The following DACH1 variants were observed in gnomAD, a reference collection of about 807,000 sequenced individuals.
DACH1 encodes the protein dachshund family transcription factor 1.
Under a neutral mutation model 54.2 loss-of-function variants are expected in DACH1, and 12 were observed. The observed-to-expected ratio is 0.22, with a 90% confidence interval of 0.14 to 0.36. The LOEUF is 0.36. DACH1 is among the 10% of genes least tolerant of loss of function. The probability of loss-of-function intolerance (pLI) is 1.00; values close to 1 mark genes in which losing one functional copy is unlikely to be tolerated. For missense variants in DACH1, 805 were observed against 929.8 expected (o/e 0.87, Z 1.75); for synonymous variants, 386 against 366.2 (o/e 1.05, Z -0.62).
intron 2 of DACH1, among the ~76,000 whole-genome samples, chr13:71,679,227 C>A (rs369641339): frequency 9.2e-5 from 14 of 152,292 alleles, no homozygotes; most frequent in African/African-American, 3.4e-4. Flanking sequence ...CCGGCAAGTG[C>A]ATAATACATT....
intron 7 of DACH1, among the ~76,000 whole-genome samples, chr13:71,486,943 C>T (rs549284034): frequency 2.7e-4 from 41 of 152,138 alleles, no homozygotes; most frequent in African/African-American, 9.4e-4. Context: ...CTCCCAGGTT[C>T]CAGCAATTCT....
chr13:71,764,627 G>T (rs969414198), intron 1 of DACH1, among the ~76,000 whole-genome samples: 1 of 152,038 alleles, frequency 6.6e-6, no homozygotes, highest in Non-Finnish European at 1.5e-5. Context: ...TATAAGTCTC[G>T]TAAGTTTTCA....
At chr13:71,626,337 A>G (rs1369084340) in intron 3 of DACH1, among the ~76,000 whole-genome samples, 1 of 151,972 alleles carries the variant, frequency 6.6e-6, no homozygotes, top group Non-Finnish European at 1.5e-5. Flanking sequence ...ATTGTGATTA[A>G]TTTAGTATTC....
At chr13:71,843,738 T>C (rs1026174530) in intron 1 of DACH1, among the ~76,000 whole-genome samples, 3 of 152,118 alleles carry the variant, frequency 2.0e-5, no homozygotes, top group African/African-American at 7.2e-5. Context: ...CCTTCAAATA[T>C]ATTATATACC....
At chr13:71,836,525 GA>G (rs546554565) in intron 1 of DACH1, among the ~76,000 whole-genome samples, 4 of 151,506 alleles carry the variant, frequency 2.6e-5, no homozygotes, top group Admixed American at 1.3e-4. Flanking sequence ...AGAATTGCAG[GA>G]AAAAAAATGT....
chr13:71,573,646 T>G, intron 3 of DACH1: 1 of 435,224 alleles, frequency 2.3e-6, no homozygotes, highest in East Asian at 3.6e-5. Flanking sequence ...TTAAAATGAG[T>G]TTTTTAAAAA....
intron 1 of DACH1, among the ~76,000 whole-genome samples, chr13:71,748,898 C>CTTTCTCTTTCTT (rs1368876638): frequency 1.5e-4 from 6 of 39,576 alleles, no homozygotes; most frequent in Non-Finnish European, 3.0e-4. Context: ...TTCTTTCTTT[C>CTTTCTCTTTCTT]TCTTTCTTTC....
At chr13:71,749,265 G>T (rs570895258) in intron 1 of DACH1, among the ~76,000 whole-genome samples, 4 of 151,968 alleles carry the variant, frequency 2.6e-5, no homozygotes, top group Non-Finnish European at 5.9e-5. Context: ...TTACAGACTT[G>T]AGCCACTTTG....
At chr13:71,760,601 C>T (rs554975569) in intron 1 of DACH1, among the ~76,000 whole-genome samples, 3 of 152,192 alleles carry the variant, frequency 2.0e-5, no homozygotes, top group Non-Finnish European at 2.9e-5. Context: ...TCATAGAACT[C>T]GTTACCGTCA....
At chr13:71,686,656 T>C (rs966785092) in intron 1 of DACH1, among the ~76,000 whole-genome samples, 17 of 152,312 alleles carry the variant, frequency 1.1e-4, no homozygotes, top group Admixed American at 1.0e-3. Flanking sequence ...CTTTTGTTAA[T>C]CTCTTCAGTA....
At chr13:71,548,176 T>C (rs1279651007) in intron 6 of DACH1, among the ~76,000 whole-genome samples, 2 of 152,194 alleles carry the variant, frequency 1.3e-5, no homozygotes, top group Non-Finnish European at 2.9e-5. Flanking sequence ...GAAATTTATT[T>C]GTATTTAGTG....
chr13:71,672,236 C>T (rs1880247878), intron 2 of DACH1, among the ~76,000 whole-genome samples: 1 of 152,156 alleles, frequency 6.6e-6, no homozygotes, highest in South Asian at 2.1e-4. Context: ...GGTTACAGAG[C>T]CAAATGAAAT....
chr13:71,720,609 A>T (rs531043138), intron 1 of DACH1, among the ~76,000 whole-genome samples: 2 of 152,312 alleles, frequency 1.3e-5, no homozygotes, highest in African/African-American at 4.8e-5. Context: ...TACTATCGGT[A>T]TTTTAATGAA....
intron 2 of DACH1, among the ~76,000 whole-genome samples, chr13:71,644,164 TATTA>T (rs1174373398): frequency 1.3e-5 from 2 of 152,218 alleles, no homozygotes; most frequent in Non-Finnish European, 1.5e-5. Flanking sequence ...GTAGTTTTGA[TATTA>T]ATTAAATGCA....
At chr13:71,520,885 G>A (rs1881550540) in intron 6 of DACH1, among the ~76,000 whole-genome samples, 1 of 152,018 alleles carries the variant, frequency 6.6e-6, no homozygotes, top group South Asian at 2.1e-4. Flanking sequence ...TTAGTAGGCA[G>A]ATATGTAGGC....
chr13:71,741,524 GT>G (rs1884388860), intron 1 of DACH1, among the ~76,000 whole-genome samples: 1 of 151,992 alleles, frequency 6.6e-6, no homozygotes. Context: ...ATTTAGTATT[GT>G]ATTTTTATTT....
chr13:71,584,211 T>G (rs567050618), intron 3 of DACH1, among the ~76,000 whole-genome samples: 1 of 152,306 alleles, frequency 6.6e-6, no homozygotes, highest in East Asian at 1.9e-4. Context: ...CACTTAAGAC[T>G]TCAGCTACTA....
intron 3 of DACH1, among the ~76,000 whole-genome samples, chr13:71,621,244 G>T (rs1876214087): frequency 6.6e-6 from 1 of 151,928 alleles, no homozygotes; most frequent in African/African-American, 2.4e-5. Flanking sequence ...GAAGTGACAG[G>T]AATGGTGATT....
At chr13:71,740,705 A>G (rs898896269) in intron 1 of DACH1, among the ~76,000 whole-genome samples, 1 of 152,148 alleles carries the variant, frequency 6.6e-6, no homozygotes, top group Admixed American at 6.6e-5. Context: ...GGTGTATTTA[A>G]TATCTCATAG....
Sources: gnomAD v4.1 joint callset for allele counts (sites outside exome capture counted in the v4.1 genomes callset) on GRCh38, gnomAD v4.1.1 for gene constraint, MANE v1.5 for transcripts, NCBI Gene and HGNC (gene_info 2026-07-23, HGNC 2026-07-21) for gene names.